The following NKTR variants were observed in gnomAD, a reference collection of about 807,000 sequenced individuals.
NKTR encodes natural killer cell triggering receptor, also known as NK-tumor recognition protein.
A neutral mutation model predicts 156.3 loss-of-function variants in NKTR; 67 were observed. The ratio of observed to expected loss-of-function variants is 0.43; its 90% CI spans 0.35 to 0.53. The LOEUF is 0.53. NKTR is among the 20% of genes least tolerant of loss of function. The pLI, the probability that NKTR is intolerant of heterozygous loss-of-function variation, is 0.01. For synonymous variants in NKTR, 640 were observed against 596.6 expected, an observed-to-expected ratio of 1.07 and a Z score of -1.06; for missense variants, 1,604 against 1,730.9, an observed-to-expected ratio of 0.93 and a Z score of 1.30.
intron 5 of NKTR, 63 bp from the exon 6 acceptor site, chr3:42,621,366 T>G: frequency 6.4e-7 from 1 of 1,553,876 alleles, no homozygotes. Context: ...TATTTATTAC[T>G]TGAACATTAC....
chr3:42,635,444 T>C, intron 12 of NKTR, 78 bp downstream of exon 12: 1 of 1,134,716 alleles, frequency 8.8e-7, no homozygotes, highest in Non-Finnish European at 1.2e-6. Flanking sequence ...AATTCTGGAC[T>C]TTTCATTAAA....
intron 9 of NKTR, chr3:42,633,242 A>G (rs1054580195): frequency 2.0e-5 from 11 of 561,432 alleles, no homozygotes; most frequent in Non-Finnish European, 2.2e-5. Context: ...GTCTTCCGCT[A>G]TGTTGACCAG....
rs545005211 is a variant in NKTR at position 42,632,102 on chromosome 3, C to T, written c.551-499C>T. ...TTTTTTTTTTGAGACAAGAGTCTTG[C>T]TCTGTCACCCAGGCTGGAGTGCAGT... On this transcript the variant is annotated intron_variant, in intron 8 of 16. Transcript: ENST00000232978. Among the ~76,000 whole-genome samples the T allele has an allele frequency of 3.4e-5, 4 of 118,330 alleles. No homozygotes were observed. In the East Asian group the frequency reaches 1.1e-3, roughly 33 times the overall value. The allele number at this position is 118,330 out of a possible 152,430, so 77.6% of individuals were successfully genotyped here.
At chr3:42,604,716 T>G (rs1305951638) in intron 2 of NKTR, among the ~76,000 whole-genome samples, 8 of 130,904 alleles carry the variant, frequency 6.1e-5, no homozygotes, top group Admixed American at 5.9e-4. Context: ...AGTCTTGCTC[T>G]GTCGCCCAGG....
intron 2 of NKTR, among the ~76,000 whole-genome samples, chr3:42,616,079 C>T (rs953802574): frequency 3.3e-5 from 5 of 152,132 alleles, no homozygotes; most frequent in Admixed American, 1.3e-4. Flanking sequence ...TACCCATTAA[C>T]GATGTCTATA....
intron 6 of NKTR, chr3:42,629,613 T>C (rs972539928): frequency 1.0e-6 from 1 of 979,280 alleles, no homozygotes; most frequent in Admixed American, 6.2e-5. Context: ...CTCTTTCAAA[T>C]TTCTGTTTTC....
chr3:42,614,905 G>A (rs1334685759), intron 2 of NKTR, among the ~76,000 whole-genome samples: 2 of 151,734 alleles, frequency 1.3e-5, no homozygotes, highest in Non-Finnish European at 2.9e-5. Flanking sequence ...CCTTGTTATT[G>A]AGGCAAAAAC....
intron 12 of NKTR, among the ~76,000 whole-genome samples, chr3:42,636,411 C>T (rs1040257098): frequency 6.6e-6 from 1 of 152,108 alleles, no homozygotes; most frequent in Non-Finnish European, 1.5e-5. Context: ...GATTACCTGT[C>T]TGAGGTGGAG....
intron 2 of NKTR, among the ~76,000 whole-genome samples, chr3:42,607,278 G>T (rs983654609): frequency 5.9e-5 from 9 of 152,100 alleles, no homozygotes; most frequent in African/African-American, 2.2e-4. Flanking sequence ...AGATACAGAA[G>T]AATTGATGGA....
At chr3:42,629,725 A>T (rs1171462420) in intron 6 of NKTR, 14 of 984,614 alleles carry the variant, frequency 1.4e-5, no homozygotes, top group Non-Finnish European at 1.7e-5. Context: ...ACTGCAATTC[A>T]TATAATGTGA....
chr3:42,630,165 A>T, intron 6 of NKTR: 21 of 1,019,310 alleles, frequency 2.1e-5, no homozygotes, highest in Non-Finnish European at 2.3e-5. Context: ...TTTCTTATTT[A>T]ATTACGCTGA....
At chr3:42,620,216 A>G (rs1394754776) in intron 5 of NKTR, 25 of 1,272,458 alleles carry the variant, frequency 2.0e-5, no homozygotes, top group Middle Eastern at 2.0e-4. Context: ...TCATTTCCCA[A>G]TGGGTTATTA....
At position 42,639,118 on chromosome 3, in the gene NKTR, C is replaced by T. The variant is rs1037827042; in HGVS notation, c.3414C>T (p.Ser1138=). 1.2e-6 allele frequency: 2 copies of T among 1,613,974 alleles called. No homozygotes were observed. Among genetic ancestry groups the T allele is most frequent in the Non-Finnish European group, 1.7e-6 (2 of 1,180,008 alleles). Residue 1138 remains serine, a synonymous_variant, in exon 13 of 17, where the codon TCC becomes TCT. Coordinates refer to ENST00000232978, the MANE Select transcript of NKTR (RefSeq NM_005385.4). ...NMEICTPDRS[S]PAKVEETSPL... is the part of the protein sequence containing the mutation. ...AGATCTGCACTCCTGATAGGAGTTC[C>T]CCAGCAAAAGTAGAGGAGACTTCCC...
rs1709518283 is a variant in NKTR at position 42,637,325 on chromosome 3, T to A, written c.1621T>A (p.Ser541Thr). ...CTCAAGATCAAGGACTGCGTCAAAG[T>A]CCTCATCACATTCTCGAAGTAGATC... Reference protein sequence around the residue: ...GSSRSRTASKSSSHSRSRSKS... With the variant: ...GSSRSRTASKTSSHSRSRSKS... The change falls in exon 13 of 17, where the codon TCC becomes ACC. Residue 541 changes from serine to threonine, a missense_variant. Around this residue, in one of 6 missense-constraint regions of NKTR, gnomAD observed 1,255 missense variants for 1,243.7 expected, o/e 1.01. Coordinates refer to ENST00000232978, the MANE Select transcript of NKTR (RefSeq NM_005385.4). 2 of 1,614,144 alleles carry A rather than the reference T, an allele frequency of 1.2e-6. No homozygotes were observed. The highest frequency in any genetic ancestry group is 1.1e-5 in the South Asian group (1 of 91,078).
At chr3:42,601,907 A>G (rs1029018353) in intron 2 of NKTR, 10 of 152,180 alleles carry the variant, frequency 6.6e-5, no homozygotes, top group Admixed American at 4.6e-4. Flanking sequence ...TTCCTTTTAT[A>G]GTTTATATTC....
intron 7 of NKTR, chr3:42,630,925 C>G: frequency 7.2e-7 from 1 of 1,382,864 alleles, no homozygotes; most frequent in Non-Finnish European, 9.3e-7. Flanking sequence ...TGTTACCAGA[C>G]TCTTTACCCT....
intron 6 of NKTR, among the ~76,000 whole-genome samples, chr3:42,624,972 A>C (rs1250519269): frequency 6.6e-6 from 1 of 152,208 alleles, no homozygotes. Flanking sequence ...TATAGCTGTC[A>C]GGAAACCTTG....
At chr3:42,603,360 TAAAAAAAAAAA>T (rs376932471) in intron 2 of NKTR, among the ~76,000 whole-genome samples, 5 of 92,758 alleles carry the variant, frequency 5.4e-5, no homozygotes, top group African/African-American at 1.1e-4. Flanking sequence ...ATCTTGTTTC[TAAAAAAAAAAA>T]AAAAAAAAAA....
chr3:42,635,057 T>TA (rs58779310), intron 11 of NKTR, 164 bp from the exon 12 acceptor site: 3,053 of 285,960 alleles, frequency 0.011, 1 homozygote, highest in Middle Eastern at 0.018. Context: ...AGTTAAAAAC[T>TA]AAAAAAAAAA....
Sources: gnomAD v4.1 joint callset for allele counts (sites outside exome capture counted in the v4.1 genomes callset) on GRCh38, gnomAD v4.1.1 for gene constraint, gnomAD v4.1.1 regional missense constraint, MANE v1.5 for transcripts, NCBI Gene and HGNC (gene_info 2026-07-23, HGNC 2026-07-21) for gene names.